The following NBPF9 variants were observed in gnomAD, a reference collection of about 807,000 sequenced individuals.
NBPF9 encodes the protein NBPF member 9, also known as NBPF family member NBPF9.
In NBPF9, 91 loss-of-function variants were observed where a neutral mutation model predicts 97.8. The observed-to-expected ratio is 0.93, with a 90% CI of 0.79 to 1.11. The LOEUF (loss-of-function observed/expected upper bound fraction) is 1.11, where lower values mean the gene tolerates loss of function less well. Ranked by LOEUF, NBPF9 falls within the 50% of genes least tolerant of loss-of-function variation. NBPF9 has a pLI of 0.00. For synonymous variants in NBPF9, 334 were observed against 359.5 expected, an observed-to-expected ratio of 0.93 and a Z score of 0.80; for missense variants, 992 against 939.5, an observed-to-expected ratio of 1.06 and a Z score of -0.73.
At chr1:149,082,952 C>CTT (rs1175496893) in intron 5 of NBPF9, among the ~76,000 whole-genome samples, 48 of 60,940 alleles carry the variant, frequency 7.9e-4, no homozygotes, top group African/African-American at 1.3e-3. Flanking sequence ...GCTAATTTTT[C>CTT]TTTTCTTTTT....
At chr1:149,101,503 G>A (rs1553663307) in intron 2 of NBPF9, 124 bp from the exon 3 acceptor site, 1 of 152,114 alleles carries the variant, frequency 6.6e-6, no homozygotes, top group South Asian at 2.1e-4. Flanking sequence ...ATCGTAGAAA[G>A]GACACATATC....
chr1:149,095,718 T>C (rs1553661311), intron 4 of NBPF9, among the ~76,000 whole-genome samples: 1 of 151,992 alleles, frequency 6.6e-6, no homozygotes, highest in Non-Finnish European at 1.5e-5. Flanking sequence ...TCAAAATCAT[T>C]TGTTGTGAGG....
chr1:149,060,348 A>G lies in NBPF9; in HGVS notation c.2476+175T>C, dbSNP rs1559518206. 3.0e-5 allele frequency: 14 copies of G among 474,560 alleles called. 4 individuals are homozygous for G. The South Asian group carries it at 3.3e-4, about 11-fold the overall frequency. 29.4% of individuals were successfully genotyped at this position (474,560 alleles called of 1,614,324 possible). On this transcript the variant is annotated intron_variant, in intron 24 of 29. Coordinates refer to ENST00000584027, the Ensembl canonical transcript of NBPF9. ...GGAAGAGAGTCTTGCCCACTGACCCATCCCTCATCTGGGCTTCCAGGTAGA... is the reference window on the plus strand; with the variant it reads ...GGAAGAGAGTCTTGCCCACTGACCCGTCCCTCATCTGGGCTTCCAGGTAGA...
chr1:149,086,890 G>T (rs1236672993), intron 5 of NBPF9, among the ~76,000 whole-genome samples: 1 of 152,118 alleles, frequency 6.6e-6, no homozygotes, highest in Non-Finnish European at 1.5e-5. Flanking sequence ...GACACAGTGT[G>T]TAAATTCCCA....
At chr1:149,070,990 G>A (rs1559526034) in exon 16 of NBPF9, 3 of 1,612,464 alleles carry the variant, frequency 1.9e-6, no homozygotes, top group Non-Finnish European at 2.5e-6. Flanking sequence ...GCCAATGAGA[G>A]TTGAGTCGAC....
At chr1:149,067,330 C>T (rs1451919385) in intron 17 of NBPF9, among the ~76,000 whole-genome samples, 2 of 120,282 alleles carry the variant, frequency 1.7e-5, no homozygotes, top group Admixed American at 1.6e-4. Context: ...ATTTTTAATA[C>T]TTTAAGTCTT....
chr1:149,084,333 A>AAT (rs1339608472), intron 5 of NBPF9, among the ~76,000 whole-genome samples: 38 of 147,774 alleles, frequency 2.6e-4, no homozygotes, highest in African/African-American at 9.1e-4. Context: ...CACACACATG[A>AAT]ATATATATAA....
chr1:149,062,761 C>G, intron 21 of NBPF9, 101 bp downstream of exon 21: 1 of 775,494 alleles, frequency 1.3e-6, no homozygotes, highest in Non-Finnish European at 2.3e-6. Context: ...GTAATTCAAC[C>G]TCCGTTGAAA....
intron 3 of NBPF9, among the ~76,000 whole-genome samples, chr1:149,101,047 C>T (rs1315075934): frequency 6.6e-6 from 1 of 151,032 alleles, no homozygotes; most frequent in African/African-American, 2.4e-5. Flanking sequence ...ACACAAAAAG[C>T]AGTAACCATA....
At chr1:149,073,838 T>A (rs1315333558) in exon 13 of NBPF9, 1 of 1,512,124 alleles carries the variant, frequency 6.6e-7, no homozygotes, top group Non-Finnish European at 9.1e-7. Context: ...TTCCTCAGCA[T>A]AAATTTTATG....
chr1:149,087,775 C>T (rs1315935106), intron 5 of NBPF9, among the ~76,000 whole-genome samples: 1 of 150,042 alleles, frequency 6.7e-6, no homozygotes, highest in Non-Finnish European at 1.5e-5. Context: ...TTTCCCAAAG[C>T]AATTTTTTGT....
chr1:149,067,545 G>A (rs1553652055), intron 17 of NBPF9, among the ~76,000 whole-genome samples: 1 of 146,900 alleles, frequency 6.8e-6, no homozygotes, highest in Non-Finnish European at 1.5e-5. Flanking sequence ...CCACCTGTGA[G>A]TAAGAACATG....
intron 1 of NBPF9, 65 bp downstream of exon 1, chr1:149,103,236 C>T (rs1483999288): frequency 1.4e-4 from 21 of 150,930 alleles, no homozygotes; most frequent in African/African-American, 4.6e-4. Flanking sequence ...AGCCGCAGCT[C>T]GACCCAGCTG....
At chr1:149,081,658 C>A (rs1553656771) in intron 7 of NBPF9, among the ~76,000 whole-genome samples, 1 of 146,400 alleles carries the variant, frequency 6.8e-6, no homozygotes, top group Non-Finnish European at 1.5e-5. Flanking sequence ...TTATAAGGTA[C>A]AGAGAGGATT....
chr1:149,073,376 C>A (rs1340247742), intron 13 of NBPF9, among the ~76,000 whole-genome samples: 1 of 140,434 alleles, frequency 7.1e-6, no homozygotes, highest in East Asian at 2.5e-4. Flanking sequence ...GTCGAGAAGG[C>A]AACATTGATT....
chr1:149,102,890 ACC>A (rs1224086479), intron 1 of NBPF9, 43 bp from the exon 2 acceptor site: 49 of 151,216 alleles, frequency 3.2e-4, no homozygotes, highest in African/African-American at 1.2e-3. Context: ...GCCAATAAAG[ACC>A]CCAACTTTGC....
intron 1 of NBPF9, 24 bp downstream of exon 1, chr1:149,103,276 GC>G (rs1425375056): frequency 6.9e-6 from 1 of 145,952 alleles, no homozygotes; most frequent in Non-Finnish European, 1.5e-5. Flanking sequence ...CTCACCGCCC[GC>G]CCGGCCTGGC....
At chr1:149,055,930 C>T (rs781883182) in intron 29 of NBPF9, 31 bp from the exon 30 acceptor site, 3 of 1,611,466 alleles carry the variant, frequency 1.9e-6, no homozygotes, top group Admixed American at 3.3e-5. Context: ...AAAGAAGCAG[C>T]CAGGGAAAAT....
At chr1:149,085,626 G>A (rs1451620154) in intron 5 of NBPF9, among the ~76,000 whole-genome samples, 5 of 151,820 alleles carry the variant, frequency 3.3e-5, no homozygotes, top group Admixed American at 6.6e-5. Flanking sequence ...GCTTTTAGGG[G>A]CCTTGTACCT....
Sources: allele counts gnomAD v4.1 joint callset (sites outside exome capture counted in the v4.1 genomes callset), GRCh38; gene constraint gnomAD v4.1.1; transcripts MANE v1.5; gene names NCBI Gene and HGNC (gene_info 2026-07-23, HGNC 2026-07-21).